Variants in OR5H1 observed in about 807,000 individuals in gnomAD.
OR5H1 encodes olfactory receptor 5H1.
For synonymous variants in OR5H1, 124 were observed against 134.4 expected (o/e 0.92, Z 0.54); for missense variants, 378 against 366.8 (o/e 1.03, Z -0.25).
At position 98,134,398 on chromosome 3, in the gene OR5H1, G is replaced by GAGA. The variant is rs1708296977; in HGVS notation, c.*764_*766dup. On this transcript the variant is annotated 3_prime_UTR_variant, in exon 2 of 2. Coordinates refer to ENST00000641874, the MANE Select transcript of OR5H1 (RefSeq NM_001005338.2). ...AATAACTGCATTTGGAGTAGACATAGAGAAGAAATAAGTATCATAAAAGAA... is the reference window on the plus strand; with the variant it reads ...AATAACTGCATTTGGAGTAGACATAGAGAAGAAGAAATAAGTATCATAAAAGAA... The GAGA allele has an allele frequency of 6.6e-6, 1 of 152,046 alleles. No individual in the cohort carries two copies. The highest frequency in any genetic ancestry group is 2.1e-4 in the South Asian group (1 of 4,822). 9.4% of individuals were successfully genotyped at this position (152,046 alleles called of 1,614,324 possible). A position where few individuals can be genotyped will look rare whatever the true frequency, so the allele number is the denominator to read the frequency against.
At position 98,133,894 on chromosome 3, in the gene OR5H1, C is replaced by A. The variant is rs1013855108; in HGVS notation, c.*255C>A. ...CTATTTAACAGTTGTATATGTTATT[C>A]AATGTGCATTTATAAATGCATTAAT... On this transcript the variant is annotated 3_prime_UTR_variant, in exon 2 of 2. Coordinates refer to ENST00000641874, the MANE Select transcript of OR5H1 (RefSeq NM_001005338.2). 7 of 344,966 alleles carry A rather than the reference C, an allele frequency of 2.0e-5. No individual in the cohort carries two copies. The highest frequency in any genetic ancestry group is 1.3e-4 in the African/African-American group (6 of 47,168). 21.4% of individuals were successfully genotyped at this position (344,966 alleles called of 1,614,324 possible).
chr3:98,138,200 G>C lies in OR5H1; in HGVS notation c.*4561G>C, dbSNP rs554939101. On this transcript the variant is annotated 3_prime_UTR_variant, in exon 2 of 2. Transcript: ENST00000641874. ...GGTCGTGATCGATTGAGCAAGCCAGGGGGTACGTGACAGGGGCTGCGAGCA... is the reference window on the plus strand; with the variant it reads ...GGTCGTGATCGATTGAGCAAGCCAGCGGGTACGTGACAGGGGCTGCGAGCA... 2 of 152,164 alleles carry C rather than the reference G, an allele frequency of 1.3e-5. No individual in the cohort carries two copies. Among genetic ancestry groups the C allele is most frequent in the Non-Finnish European group, 2.9e-5 (2 of 68,016 alleles). 9.4% of individuals were successfully genotyped at this position (152,164 alleles called of 1,614,324 possible).
At chr3:98,131,579 T>C (rs531093960) in intron 1 of OR5H1, among the ~76,000 whole-genome samples, 2 of 152,142 alleles carry the variant, frequency 1.3e-5, no homozygotes, top group African/African-American at 4.8e-5. Flanking sequence ...ACAGGACATA[T>C]GTCCACCTTG....
chr3:98,130,976 C>T (rs1708249804), intron 1 of OR5H1, 126 bp downstream of exon 1: 1 of 152,134 alleles, frequency 6.6e-6, no homozygotes, highest in South Asian at 2.1e-4. Context: ...AACTGGATGA[C>T]TCTGACTGGA....
intron 1 of OR5H1, among the ~76,000 whole-genome samples, chr3:98,132,180 C>A (rs993960245): frequency 6.6e-6 from 1 of 151,908 alleles, no homozygotes; most frequent in African/African-American, 2.4e-5. Context: ...TAATTAATAT[C>A]CCTGAGTACA....
Position 98,137,968 on chromosome 3 carries a change from T to G in OR5H1, c.*4329T>G, listed in dbSNP as rs1708338760. The G allele has an allele frequency of 6.6e-6, 1 of 152,180 alleles. No individual in the cohort carries two copies. Among genetic ancestry groups the G allele is most frequent in the African/African-American group, 2.4e-5 (1 of 41,444 alleles). The allele number at this position is 152,180 out of a possible 1,614,324, so 9.4% of individuals were successfully genotyped here. ...ACAGCCAGTCATCGTTTCAAATTAC[T>G]TTCTTGTTAACTACATTTACAGCAC... On this transcript the variant is annotated 3_prime_UTR_variant, in exon 2 of 2. Transcript: ENST00000641874.
At position 98,135,170 on chromosome 3, in the gene OR5H1, G is replaced by A. The variant is rs1254608243; in HGVS notation, c.*1531G>A. 1 of 152,110 alleles carries A rather than the reference G, an allele frequency of 6.6e-6. No homozygotes were observed. Among genetic ancestry groups the A allele is most frequent in the Non-Finnish European group, 1.5e-5 (1 of 68,002 alleles). The allele number at this position is 152,110 out of a possible 1,614,324, so 9.4% of individuals were successfully genotyped here. ...GGGGATTTCCTGAAGGTGCAAGAGA[G>A]GAGATAAAGGCTTTTACAGGGCAAA... On this transcript the variant is annotated 3_prime_UTR_variant, in exon 2 of 2. Coordinates refer to ENST00000641874, the MANE Select transcript of OR5H1 (RefSeq NM_001005338.2).
In OR5H1 at chr3:98,133,484, GCATCT is replaced by G; in HGVS notation, c.789_793del (p.Ser264AlafsTer4). On this transcript the variant is annotated frameshift_variant, in exon 2 of 2. Transcript: ENST00000641874. LOFTEE classifies it low-confidence loss of function (END_TRUNC). ...CCTTCTCTTCATTTATGTGGGCCCT[GCATCT>G]CCGCAAGCAGATGATCAAGATATGG... The G allele has an allele frequency of 1.9e-6, 3 of 1,613,476 alleles. No homozygotes were observed. Among genetic ancestry groups the G allele is most frequent in the Non-Finnish European group, 2.5e-6 (3 of 1,179,664 alleles).
chr3:98,135,026 A>ATATAT lies in OR5H1; in HGVS notation c.*1387_*1388insTATAT, dbSNP rs1708302686. 6.6e-6 allele frequency: 1 copy of ATATAT among 152,200 alleles called. No homozygotes were observed. Among genetic ancestry groups the ATATAT allele is most frequent in the Non-Finnish European group, 1.5e-5 (1 of 68,032 alleles). The allele number at this position is 152,200 out of a possible 1,614,324, so 9.4% of individuals were successfully genotyped here. A position where few individuals can be genotyped will look rare whatever the true frequency, so the allele number is the denominator to read the frequency against. On this transcript the variant is annotated 3_prime_UTR_variant, in exon 2 of 2. Transcript: ENST00000641874. The stretch of plus-strand genomic sequence containing the variant: ...TGTTTAGTTTTTCATATGTATACAT[A>ATATAT]GTGATACAAGATATATATTAGTACT...
Position 98,133,967 on chromosome 3 carries a change from T to G in OR5H1, c.*328T>G, listed in dbSNP as rs1708289474. The G allele has an allele frequency of 4.1e-6, 1 of 243,514 alleles. No individual in the cohort carries two copies. Among genetic ancestry groups the G allele is most frequent in the African/African-American group, 2.3e-5 (1 of 43,194 alleles). 15.1% of individuals were successfully genotyped at this position (243,514 alleles called of 1,614,324 possible). The stretch of plus-strand genomic sequence containing the variant: ...ATATAAGGACTTGAGTATGATGGTT[T>G]TGATACTAATACTACTGAATTACCT... On this transcript the variant is annotated 3_prime_UTR_variant, in exon 2 of 2. Coordinates refer to ENST00000641874, the MANE Select transcript of OR5H1 (RefSeq NM_001005338.2).
rs1365340601 is a variant in OR5H1, at chr3:98,134,543, T to C, written c.*904T>C. Reference sequence around the variant, plus strand: ...AAGTTTTAAATGCCTGTCATGTAAGTTCAAATAATGTTAACATGATACGAC... The same window carrying C: ...AAGTTTTAAATGCCTGTCATGTAAGCTCAAATAATGTTAACATGATACGAC... On this transcript the variant is annotated 3_prime_UTR_variant, in exon 2 of 2. Coordinates refer to ENST00000641874, the MANE Select transcript of OR5H1 (RefSeq NM_001005338.2). 6.6e-6 allele frequency: 1 copy of C among 152,028 alleles called. No individual in the cohort carries two copies. The highest frequency in any genetic ancestry group is 2.4e-5 in the African/African-American group (1 of 41,428). 9.4% of individuals were successfully genotyped at this position (152,028 alleles called of 1,614,324 possible).
rs5009897 is a variant in OR5H1 at position 98,133,048 on chromosome 3, G to A, written c.351G>A (p.Thr117=). The change falls in exon 2 of 2, where the codon ACG becomes ACA. Residue 117 remains threonine (T), a synonymous_variant. Coordinates refer to ENST00000641874, the MANE Select transcript of OR5H1 (RefSeq NM_001005338.2). The part of the protein sequence containing the change: ...SVTTECFLLA[T]MAYDRYVAIC... The stretch of plus-strand genomic sequence containing the variant: ...CCACGGAATGTTTTCTCTTGGCAAC[G>A]ATGGCATATGATCGCTATGTAGCCA... 7.1e-3 allele frequency: 11,357 copies of A among 1,606,746 alleles called. 550 individuals carry two copies. The Admixed American group carries it at 0.11, about 15-fold the overall frequency.
chr3:98,138,515 G>C lies in OR5H1; in HGVS notation c.*4876G>C, dbSNP rs1708344172. On this transcript the variant is annotated 3_prime_UTR_variant, in exon 2 of 2. Coordinates refer to ENST00000641874, the MANE Select transcript of OR5H1 (RefSeq NM_001005338.2). ...TCATCATAAAAGCAAAAATCTAAAAGTCAAATATGTGTTTTTTTGTTTTAT... is the reference window on the plus strand; with the variant it reads ...TCATCATAAAAGCAAAAATCTAAAACTCAAATATGTGTTTTTTTGTTTTAT... The C allele has an allele frequency of 1.3e-5, 2 of 152,022 alleles. No homozygotes were observed. The highest frequency in any genetic ancestry group is 4.8e-5 in the African/African-American group (2 of 41,278). 9.4% of individuals were successfully genotyped at this position (152,022 alleles called of 1,614,324 possible).
rs1708246924 is a variant in OR5H1, at chr3:98,130,778, T to C, written c.-91T>C. On this transcript the variant is annotated 5_prime_UTR_variant, in exon 1 of 2. Coordinates refer to ENST00000641874, the MANE Select transcript of OR5H1 (RefSeq NM_001005338.2). ...GCTACCTGTATTATTGACATTGCTG[T>C]GCTACTGTATGTATTTTTGTTTAGA... is the stretch of plus-strand genomic sequence containing the variant. 6.6e-6 allele frequency: 1 copy of C among 152,206 alleles called. No individual in the cohort carries two copies. Among genetic ancestry groups the C allele is most frequent in the South Asian group, 2.1e-4 (1 of 4,836 alleles). 9.4% of individuals were successfully genotyped at this position (152,206 alleles called of 1,614,324 possible). A position where few individuals can be genotyped will look rare whatever the true frequency, so the allele number is the denominator to read the frequency against.
rs1030024349 is a variant in OR5H1 at position 98,134,204 on chromosome 3, T to A, written c.*565T>A. The A allele has an allele frequency of 1.0e-4, 16 of 156,978 alleles. No individual in the cohort carries two copies. The highest frequency in any genetic ancestry group is 7.5e-4 in the Admixed American group (12 of 16,082). The allele number at this position is 156,978 out of a possible 1,614,324, so 9.7% of individuals were successfully genotyped here. ...TAGAAGGAATGAACAGTGAAGGCAC[T>A]GCCATAGTGTAAGAGCATGCTCTTA... is the stretch of plus-strand genomic sequence containing the variant. On this transcript the variant is annotated 3_prime_UTR_variant, in exon 2 of 2. Transcript: ENST00000641874.
Position 98,130,724 on chromosome 3 carries a change from C to G in OR5H1, c.-145C>G, listed in dbSNP as rs1452565768. On this transcript the variant is annotated 5_prime_UTR_variant, in exon 1 of 2. Coordinates refer to ENST00000641874, the MANE Select transcript of OR5H1 (RefSeq NM_001005338.2). ...TTTTTCTATGCTTGGAAAAAGAAACCTTCAAAAAGAATGAATATGCCATGA... is the reference window on the plus strand; with the variant it reads ...TTTTTCTATGCTTGGAAAAAGAAACGTTCAAAAAGAATGAATATGCCATGA... 1 of 152,108 alleles carries G rather than the reference C, an allele frequency of 6.6e-6. No homozygotes were observed. Among genetic ancestry groups the G allele is most frequent in the Non-Finnish European group, 1.5e-5 (1 of 68,018 alleles). The allele number at this position is 152,108 out of a possible 1,614,324, so 9.4% of individuals were successfully genotyped here. A position where few individuals can be genotyped will look rare whatever the true frequency, so the allele number is the denominator to read the frequency against.
rs1051527180 is a variant in OR5H1 at position 98,134,742 on chromosome 3, C to A, written c.*1103C>A. 3.3e-5 allele frequency: 5 copies of A among 151,970 alleles called. No individual in the cohort carries two copies. Among genetic ancestry groups the A allele is most frequent in the Non-Finnish European group, 7.4e-5 (5 of 67,962 alleles). 9.4% of individuals were successfully genotyped at this position (151,970 alleles called of 1,614,324 possible). ...CCTTCATCTTTCAATACTGAAATTC[C>A]TTTCACATTCTCACTGATACTATTG... On this transcript the variant is annotated 3_prime_UTR_variant, in exon 2 of 2. Transcript: ENST00000641874.
Position 98,136,367 on chromosome 3 carries a change from G to A in OR5H1, c.*2728G>A, listed in dbSNP as rs1708317927. ...CTTTAAAGTTTCTTCAAGCTATAAA[G>A]TCACACCAACAACATACCATTAGTT... On this transcript the variant is annotated 3_prime_UTR_variant, in exon 2 of 2. Transcript: ENST00000641874. The A allele has an allele frequency of 6.6e-6, 1 of 152,122 alleles. No individual in the cohort carries two copies. The highest frequency in any genetic ancestry group is 1.5e-5 in the Non-Finnish European group (1 of 68,022). The allele number at this position is 152,122 out of a possible 1,614,324, so 9.4% of individuals were successfully genotyped here. A position where few individuals can be genotyped will look rare whatever the true frequency, so the allele number is the denominator to read the frequency against.
intron 1 of OR5H1, among the ~76,000 whole-genome samples, chr3:98,131,341 A>G (rs4541443): frequency 0.62 from 94,216 of 151,450 alleles, 30,548 homozygotes; most frequent in African/African-American, 0.82. Flanking sequence ...GCATTAAGTA[A>G]AGTCCTGGTA....
Sources: allele counts gnomAD v4.1 joint callset (sites outside exome capture counted in the v4.1 genomes callset), GRCh38; gene constraint gnomAD v4.1.1; transcripts MANE v1.5; gene names NCBI Gene and HGNC (gene_info 2026-07-23, HGNC 2026-07-21).